STXBP5L: variants seen among roughly 807,000 people sequenced by gnomAD.
STXBP5L encodes the protein syntaxin binding protein 5L.
In STXBP5L, 65 loss-of-function variants were observed where a neutral mutation model predicts 144.5. The ratio of observed to expected loss-of-function variants is 0.45; its 90% CI spans 0.37 to 0.55. The LOEUF (loss-of-function observed/expected upper bound fraction) is 0.55, where lower values mean the gene tolerates loss of function less well. Among genes scored for constraint, STXBP5L ranks in the 20% least tolerant of loss-of-function variants. The probability of loss-of-function intolerance (pLI) is 0.00; values close to 1 mark genes in which losing one functional copy is unlikely to be tolerated. For missense variants in STXBP5L, 1,298 were observed against 1,405.5 expected (o/e 0.92, Z 1.22); for synonymous variants, 505 against 469.6 (o/e 1.08, Z -0.97).
chr3:121,121,754 A>G (rs1378330184), intron 7 of STXBP5L, 50 bp downstream of exon 7: 2 of 1,383,826 alleles, frequency 1.4e-6, no homozygotes, highest in Non-Finnish European at 2.0e-6. Context: ...TCATTCTTGA[A>G]AAAAGGTGTT....
At chr3:120,978,828 C>T (rs554676102) in intron 3 of STXBP5L, among the ~76,000 whole-genome samples, 28 of 152,298 alleles carry the variant, frequency 1.8e-4, no homozygotes, top group Admixed American at 2.6e-4. Context: ...CTGTTTGCCT[C>T]GGTATCAGCA....
intron 3 of STXBP5L, among the ~76,000 whole-genome samples, chr3:121,040,483 G>T (rs907467744): frequency 6.6e-6 from 1 of 152,078 alleles, no homozygotes; most frequent in Non-Finnish European, 1.5e-5. Context: ...CTTCAAGAAG[G>T]ATGCTTTTTC....
At chr3:121,010,125 A>G (rs1367231988) in intron 3 of STXBP5L, among the ~76,000 whole-genome samples, 6 of 151,880 alleles carry the variant, frequency 4.0e-5, no homozygotes, top group Non-Finnish European at 7.4e-5. Context: ...CTATTAATTA[A>G]TTGGGCATAT....
In STXBP5L at chr3:121,114,959, T is replaced by C; in HGVS notation, c.505T>C (p.Trp169Arg). ...CTGTCATCTACCTTTCCAGAGTAAA[T>C]GGCTTTATGTTGGAACAGAAAGAGG... ...TYCHLPFQSK[W>R]LYVGTERGNT... Residue 169 changes from tryptophan to arginine, a missense_variant, in exon 6 of 27, where the codon TGG becomes CGG. By Grantham distance (101) the Trp-to-Arg change is moderately radical. Transcript: ENST00000471454. The C allele has an allele frequency of 6.3e-7, 1 of 1,587,692 alleles. No homozygotes were observed. Among genetic ancestry groups the C allele is most frequent in the East Asian group, 2.3e-5 (1 of 43,452 alleles).
chr3:121,250,394 C>T (rs770368379), intron 14 of STXBP5L, among the ~76,000 whole-genome samples: 2 of 151,788 alleles, frequency 1.3e-5, no homozygotes, highest in African/African-American at 2.4e-5. Context: ...AATTATCTAT[C>T]CTTTTATTGA....
intron 20 of STXBP5L, among the ~76,000 whole-genome samples, chr3:121,361,565 C>A (rs1290768501): frequency 6.6e-6 from 1 of 151,936 alleles, no homozygotes; most frequent in Non-Finnish European, 1.5e-5. Context: ...TTGATCAATT[C>A]TATGTAAACA....
intron 22 of STXBP5L, among the ~76,000 whole-genome samples, chr3:121,392,778 T>C (rs1238753348): frequency 3.6e-5 from 2 of 55,698 alleles, no homozygotes; most frequent in Non-Finnish European, 8.4e-5. Context: ...GGCATATATA[T>C]ATATATATAT....
intron 23 of STXBP5L, among the ~76,000 whole-genome samples, chr3:121,410,225 A>G (rs766707042): frequency 2.4e-4 from 36 of 151,776 alleles, no homozygotes; most frequent in Non-Finnish European, 7.4e-5. Context: ...AAATGTGTGT[A>G]TCTCTCACAC....
intron 22 of STXBP5L, among the ~76,000 whole-genome samples, chr3:121,388,172 G>A (rs913454977): frequency 1.3e-5 from 2 of 150,916 alleles, no homozygotes; most frequent in Admixed American, 6.6e-5. Flanking sequence ...GTGAATGGGA[G>A]TTCACTCATG....
At chr3:121,089,325 T>C (rs1351537979) in intron 5 of STXBP5L, among the ~76,000 whole-genome samples, 1 of 151,898 alleles carries the variant, frequency 6.6e-6, no homozygotes, top group Non-Finnish European at 1.5e-5. Context: ...TACCTGATAA[T>C]GTCATAATTT....
chr3:120,971,997 C>A (rs73185498), intron 3 of STXBP5L, among the ~76,000 whole-genome samples: 4 of 151,926 alleles, frequency 2.6e-5, no homozygotes, highest in Admixed American at 2.6e-4. Flanking sequence ...CTGTGACAAA[C>A]GGGGAATGTG....
At chr3:121,398,942 G>A (rs779558341) in intron 22 of STXBP5L, among the ~76,000 whole-genome samples, 4 of 152,122 alleles carry the variant, frequency 2.6e-5, no homozygotes, top group Non-Finnish European at 5.9e-5. Flanking sequence ...GTCGCTCGAG[G>A]CACTGCTCGA....
intron 19 of STXBP5L, among the ~76,000 whole-genome samples, chr3:121,280,362 G>A (rs1259249579): frequency 6.6e-6 from 1 of 151,716 alleles, no homozygotes; most frequent in Non-Finnish European, 1.5e-5. Flanking sequence ...ATAATTTTAG[G>A]TCATTTACTA....
intron 19 of STXBP5L, among the ~76,000 whole-genome samples, chr3:121,292,089 A>G (rs1559941855): frequency 6.6e-6 from 1 of 152,258 alleles, no homozygotes; most frequent in Non-Finnish European, 1.5e-5. Flanking sequence ...CTCACAGCAA[A>G]ATAAATAATC....
At chr3:121,347,292 A>G (rs577375193) in intron 20 of STXBP5L, among the ~76,000 whole-genome samples, 54 of 151,966 alleles carry the variant, frequency 3.6e-4, no homozygotes, top group Admixed American at 1.1e-3. Context: ...TGAGGGCTCT[A>G]TTCTGTTCCA....
chr3:120,955,308 T>C (rs1937905505), intron 3 of STXBP5L, among the ~76,000 whole-genome samples: 2 of 152,044 alleles, frequency 1.3e-5, no homozygotes, highest in African/African-American at 4.8e-5. Context: ...ATCAATTGTA[T>C]TGATTCTCAT....
chr3:120,960,382 C>T (rs1481670812), intron 3 of STXBP5L, among the ~76,000 whole-genome samples: 1 of 152,176 alleles, frequency 6.6e-6, no homozygotes, highest in Non-Finnish European at 1.5e-5. Flanking sequence ...CTAGAAATAC[C>T]ATTTGACCCA....
chr3:121,156,857 G>A (rs1177609865), intron 8 of STXBP5L, among the ~76,000 whole-genome samples: 2 of 151,954 alleles, frequency 1.3e-5, no homozygotes, highest in African/African-American at 2.4e-5. Flanking sequence ...TTCATAGGTT[G>A]TATGCAAATA....
intron 20 of STXBP5L, among the ~76,000 whole-genome samples, chr3:121,377,654 T>C (rs1320168960): frequency 1.3e-5 from 2 of 152,132 alleles, no homozygotes; most frequent in African/African-American, 2.4e-5. Flanking sequence ...ATGGCAATCA[T>C]TAAAAAGTCA....
Sources: gnomAD v4.1 joint callset for allele counts (sites outside exome capture counted in the v4.1 genomes callset) on GRCh38, gnomAD v4.1.1 for gene constraint, MANE v1.5 for transcripts, NCBI Gene and HGNC (gene_info 2026-07-23, HGNC 2026-07-21) for gene names.